IFT57: variants seen among roughly 807,000 people sequenced by gnomAD.
The protein encoded by IFT57 is intraflagellar transport protein 57 homolog.
A neutral mutation model predicts 56.8 loss-of-function variants in IFT57; 59 were observed. That is an observed-to-expected ratio of 1.04 (90% confidence interval 0.84 to 1.29). The LOEUF is 1.29. Among genes scored for constraint, IFT57 ranks in the 50% most tolerant of loss-of-function variants. IFT57 has a pLI of 0.00. For missense variants in IFT57, 470 were observed against 522.1 expected (o/e 0.90, Z 0.97); for synonymous variants, 209 against 186.1 (o/e 1.12, Z -1.00).
At chr3:108,164,309 C>G (rs988449527) in intron 9 of IFT57, among the ~76,000 whole-genome samples, 2 of 152,070 alleles carry the variant, frequency 1.3e-5, no homozygotes, top group Admixed American at 1.3e-4. Flanking sequence ...TATCTGCACT[C>G]TATCTGGCGA....
At position 108,163,452 on chromosome 3, in the gene IFT57, C is replaced by G. The variant is rs532098638; in HGVS notation, c.1111+211G>C. Among the ~76,000 whole-genome samples the G allele has an allele frequency of 3.3e-4, 50 of 152,138 alleles. No individual in the cohort carries two copies. The South Asian group carries it at 5.0e-3, about 15-fold the overall frequency. On this transcript the variant is annotated intron_variant, in intron 10 of 10. Transcript: ENST00000264538. ...GAATCAATAGTTTGAATGTTAAAAA[C>G]CTCTAAATTATAGTTAAAAAGCCTA...
At chr3:108,189,097 T>G (rs2080200854) in intron 6 of IFT57, among the ~76,000 whole-genome samples, 1 of 152,230 alleles carries the variant, frequency 6.6e-6, no homozygotes, top group African/African-American at 2.4e-5. Context: ...AGAAATCACA[T>G]TTTTGCAAAT....
chr3:108,166,810 G>C, intron 8 of IFT57, 44 bp downstream of exon 8: 1 of 1,557,390 alleles, frequency 6.4e-7, no homozygotes, highest in Non-Finnish European at 8.8e-7. Context: ...TAGGGTTTAG[G>C]GTTGTTAACT....
chr3:108,216,889 G>A (rs527416664), intron 3 of IFT57, among the ~76,000 whole-genome samples: 27 of 152,156 alleles, frequency 1.8e-4, no homozygotes, highest in Admixed American at 7.2e-4. Context: ...AAATATCATA[G>A]AAGTAGAGAG....
intron 5 of IFT57, among the ~76,000 whole-genome samples, chr3:108,195,994 G>A (rs61151589): frequency 0.014 from 2,152 of 152,112 alleles, 44 homozygotes; most frequent in African/African-American, 0.048. Context: ...AATGTGGAAC[G>A]GGAATGTTCT....
chr3:108,221,614 C>T (rs1304836427), intron 1 of IFT57, among the ~76,000 whole-genome samples: 1 of 152,142 alleles, frequency 6.6e-6, no homozygotes, highest in Non-Finnish European at 1.5e-5. Flanking sequence ...TAACAGGATC[C>T]TAAGTACCCA....
At chr3:108,199,173 T>G (rs951706001) in intron 5 of IFT57, among the ~76,000 whole-genome samples, 1 of 152,198 alleles carries the variant, frequency 6.6e-6, no homozygotes, top group Non-Finnish European at 1.5e-5. Flanking sequence ...ACTCTTTTGT[T>G]GTTTCATTTT....
intron 6 of IFT57, among the ~76,000 whole-genome samples, chr3:108,176,781 C>T (rs1369889373): frequency 6.6e-6 from 1 of 151,828 alleles, no homozygotes; most frequent in Non-Finnish European, 1.5e-5. Context: ...CTCTCTCCTT[C>T]CTTGGGTATG....
intron 5 of IFT57, among the ~76,000 whole-genome samples, chr3:108,199,717 C>T (rs571053902): frequency 6.6e-4 from 100 of 152,282 alleles, no homozygotes; most frequent in Middle Eastern, 3.4e-3. Context: ...GGAATAGTGA[C>T]TAAAACAATA....
At chr3:108,163,878 T>C (rs2080047225) in intron 9 of IFT57, 149 bp from the exon 10 acceptor site, 1 of 596,878 alleles carries the variant, frequency 1.7e-6, no homozygotes, top group Non-Finnish European at 3.0e-6. Context: ...ATTCAAATAA[T>C]ATAAAGTATG....
At chr3:108,187,025 G>C (rs1486709487) in intron 6 of IFT57, among the ~76,000 whole-genome samples, 1 of 152,104 alleles carries the variant, frequency 6.6e-6, no homozygotes, top group East Asian at 1.9e-4. Context: ...GCTATTAGTA[G>C]GTAAGTTCTG....
chr3:108,173,976 A>C lies in IFT57; in HGVS notation c.778-6112T>G, dbSNP rs1295488970. 2.8e-5 allele frequency among the ~76,000 whole-genome samples: 4 copies of C among 141,396 alleles called. No individual in the cohort carries two copies. The East Asian group carries it at 6.8e-4, about 24-fold the overall frequency. 92.8% of individuals were successfully genotyped at this position (141,396 alleles called of 152,430 possible). ...TCATTAGGTGTCCTATTTAGTAAAA[A>C]TCAGTATTTGCATATATTTGAGTGT... On this transcript the variant is annotated intron_variant, in intron 6 of 10. Coordinates refer to ENST00000264538, the MANE Select transcript of IFT57 (RefSeq NM_018010.4).
chr3:108,221,827 T>C (rs1031544088), intron 1 of IFT57, among the ~76,000 whole-genome samples: 3 of 152,180 alleles, frequency 2.0e-5, no homozygotes, highest in Non-Finnish European at 4.4e-5. Context: ...ATAGTTTGTG[T>C]TTTCTGGTAA....
chr3:108,210,655 C>T (rs955411181), intron 4 of IFT57, among the ~76,000 whole-genome samples: 7 of 151,830 alleles, frequency 4.6e-5, no homozygotes, highest in African/African-American at 7.3e-5. Context: ...CCTTGAGCAA[C>T]GCCACAAACT....
chr3:108,221,334 G>A (rs969090665), intron 1 of IFT57, among the ~76,000 whole-genome samples: 3 of 152,150 alleles, frequency 2.0e-5, no homozygotes, highest in African/African-American at 7.2e-5. Context: ...TGATTTATCT[G>A]GCTACTGCTA....
Position 108,191,650 on chromosome 3 carries a change from A to G in IFT57, c.655-7T>C, listed in dbSNP as rs759218939. On this transcript the variant is annotated splice_polypyrimidine_tract_variant and splice_region_variant and intron_variant, in intron 5 of 10. Coordinates refer to ENST00000264538, the MANE Select transcript of IFT57 (RefSeq NM_018010.4). The stretch of plus-strand genomic sequence containing the variant: ...TGGCAGTCTCGTTCATATCCTAAGA[A>G]AGGAAAGATATCACAAGATTGAGAG... 1.1e-5 allele frequency: 17 copies of G among 1,596,618 alleles called. No homozygotes were observed. Among genetic ancestry groups the G allele is most frequent in the Non-Finnish European group, 1.4e-5 (16 of 1,171,564 alleles).
chr3:108,219,586 A>C lies in IFT57; in HGVS notation c.213-14T>G, dbSNP rs751048770. On this transcript the variant is annotated splice_polypyrimidine_tract_variant and intron_variant, in intron 1 of 10. Transcript: ENST00000264538. Reference sequence around the variant, plus strand: ...GCAAAATAGTGTCTGTTTCAAAACAAGGAGGAATGGGGGCGGATGTGAAAT... The same window carrying C: ...GCAAAATAGTGTCTGTTTCAAAACACGGAGGAATGGGGGCGGATGTGAAAT... 7 of 1,612,082 alleles carry C rather than the reference A, an allele frequency of 4.3e-6. No individual in the cohort carries two copies. Among genetic ancestry groups the C allele is most frequent in the Non-Finnish European group, 5.1e-6 (6 of 1,178,212 alleles).
At chr3:108,213,184 G>A (rs1349933115) in intron 4 of IFT57, among the ~76,000 whole-genome samples, 2 of 152,170 alleles carry the variant, frequency 1.3e-5, no homozygotes, top group African/African-American at 2.4e-5. Flanking sequence ...GTCAACAGTA[G>A]GCTATTAGTA....
chr3:108,176,914 A>C (rs9840611), intron 6 of IFT57, among the ~76,000 whole-genome samples: 14,644 of 151,850 alleles, frequency 0.096, 768 homozygotes, highest in Middle Eastern at 0.12. Flanking sequence ...ACTACTGGTA[A>C]ATCAACACAT....
Sources: allele counts gnomAD v4.1 joint callset (sites outside exome capture counted in the v4.1 genomes callset), GRCh38; gene constraint gnomAD v4.1.1; transcripts MANE v1.5; gene names NCBI Gene and HGNC (gene_info 2026-07-23, HGNC 2026-07-21).